THSD4: variants seen among roughly 807,000 people sequenced by gnomAD.
THSD4 encodes the protein thrombospondin type 1 domain containing 4.
THSD4 carries 69 observed loss-of-function variants against 119.0 expected under a neutral mutation model. That is an observed-to-expected ratio of 0.58 (90% CI 0.48 to 0.71). The LOEUF (loss-of-function observed/expected upper bound fraction) is 0.71, where lower values mean the gene tolerates loss of function less well. THSD4 is among the 30% of genes least tolerant of loss of function. The pLI is 0.00. For synonymous variants in THSD4, 524 were observed against 540.4 expected (o/e 0.97, Z 0.42); for missense variants, 1,393 against 1,391.1 (o/e 1.00, Z -0.02).
At position 71,154,763 on chromosome 15, in the gene THSD4, T is replaced by TC. The variant is rs201759288; in HGVS notation, c.30-92dup. The TC allele has an allele frequency of 2.7e-3, 3,240 of 1,215,620 alleles. 45 individuals carry two copies. The African/African-American group carries it at 0.033, about 12-fold the overall frequency. 75.3% of individuals were successfully genotyped at this position (1,215,620 alleles called of 1,614,324 possible). A position where few individuals can be genotyped will look rare whatever the true frequency, so the allele number is the denominator to read the frequency against. ...CATCCCAGGGCCTGGGTTGGGCTGTTCCCCCCCCATCCACTGATGAGATGG... is the reference window on the plus strand; with the variant it reads ...CATCCCAGGGCCTGGGTTGGGCTGTTCCCCCCCCCATCCACTGATGAGATGG... On this transcript the variant is annotated intron_variant, in intron 2 of 17. Coordinates refer to ENST00000261862, the MANE Select transcript of THSD4 (RefSeq NM_024817.3).
intron 7 of THSD4, among the ~76,000 whole-genome samples, chr15:71,519,864 G>T (rs62015918): frequency 0.26 from 39,163 of 152,108 alleles, 6,167 homozygotes; most frequent in Middle Eastern, 0.42. Flanking sequence ...CAGGCCCTGG[G>T]TGTGAGGAGT....
rs1270409271 is a variant in THSD4, at chr15:71,782,215, C to A, written c.*4841C>A. ...AAGTAACTCCCTGCACCCTGAACCA[C>A]CCCCCATTCCTGTTCATTTCAGCAG... On this transcript the variant is annotated 3_prime_UTR_variant, in exon 18 of 18. Transcript: ENST00000261862. The A allele has an allele frequency of 2.0e-5, 3 of 151,868 alleles. No homozygotes were observed. Among genetic ancestry groups the A allele is most frequent in the Non-Finnish European group, 2.9e-5 (2 of 67,932 alleles). The allele number at this position is 151,868 out of a possible 1,614,324, so 9.4% of individuals were successfully genotyped here.
intron 7 of THSD4, among the ~76,000 whole-genome samples, chr15:71,641,161 G>A (rs1414349414): frequency 3.3e-5 from 5 of 152,084 alleles, no homozygotes; most frequent in Non-Finnish European, 5.9e-5. Context: ...CAGGCATGGT[G>A]CTAAGCCCTT....
chr15:71,225,579 G>A (rs539182399), intron 4 of THSD4, among the ~76,000 whole-genome samples: 2 of 124,444 alleles, frequency 1.6e-5, no homozygotes, highest in African/African-American at 6.3e-5. Flanking sequence ...ACGGAGTTTC[G>A]CTCTGTTGCC....
At chr15:71,330,740 G>A (rs1231833793) in intron 6 of THSD4, among the ~76,000 whole-genome samples, 1 of 152,094 alleles carries the variant, frequency 6.6e-6, no homozygotes, top group Non-Finnish European at 1.5e-5. Flanking sequence ...TCCTTCTGAT[G>A]TACAATACTG....
chr15:71,547,546 T>A, intron 7 of THSD4: 1 of 1,530,302 alleles, frequency 6.5e-7, no homozygotes, highest in Non-Finnish European at 8.8e-7. Flanking sequence ...TCCTCTTCTA[T>A]CTACCAAGAG....
chr15:71,220,873 G>T (rs907521763), intron 4 of THSD4, among the ~76,000 whole-genome samples: 1 of 152,120 alleles, frequency 6.6e-6, no homozygotes. Context: ...GGCTTGCTCA[G>T]AAAAATCCTC....
In THSD4 at chr15:71,242,656, A is replaced by G; in HGVS notation, c.472A>G (p.Thr158Ala). ...LEVTGDRRSR[T>A]RGTIGPGKYG... The stretch of plus-strand genomic sequence containing the variant: ...TTGTCTATCTCTCTTTAGGAGCAGG[A>G]CCCGTGGTACCATTGGCCCTGGCAA... The change falls in exon 5 of 18, where the codon ACC (threonine) becomes GCC (alanine). Residue 158 changes from threonine (T) to alanine (A), a missense_variant. Coordinates refer to ENST00000261862, the MANE Select transcript of THSD4 (RefSeq NM_024817.3). The G allele has an allele frequency of 6.2e-7, 1 of 1,613,570 alleles. No homozygotes were observed. The highest frequency in any genetic ancestry group is 8.5e-7 in the Non-Finnish European group (1 of 1,179,560).
At chr15:71,257,932 G>C (rs2044339436) in intron 6 of THSD4, among the ~76,000 whole-genome samples, 1 of 151,968 alleles carries the variant, frequency 6.6e-6, no homozygotes. Context: ...TGGGGAACAG[G>C]GTGAAGGGTG....
At chr15:71,709,329 A>G (rs1039571464) in intron 8 of THSD4, among the ~76,000 whole-genome samples, 1 of 152,184 alleles carries the variant, frequency 6.6e-6, no homozygotes, top group Non-Finnish European at 1.5e-5. Context: ...AGATGGGGGA[A>G]AAAAGGGTTT....
chr15:71,725,607 G>A (rs367723082), intron 8 of THSD4, among the ~76,000 whole-genome samples: 111 of 152,246 alleles, frequency 7.3e-4, no homozygotes, highest in African/African-American at 2.5e-3. Flanking sequence ...GTTTCAAATA[G>A]GATGGAATAG....
intron 8 of THSD4, among the ~76,000 whole-genome samples, chr15:71,690,437 C>A (rs1164410445): frequency 6.6e-6 from 1 of 152,196 alleles, no homozygotes; most frequent in Non-Finnish European, 1.5e-5. Flanking sequence ...AGTCAGTATA[C>A]ATGCCTGACT....
At chr15:71,759,022 C>A (rs1465085619) in intron 15 of THSD4, among the ~76,000 whole-genome samples, 4 of 152,022 alleles carry the variant, frequency 2.6e-5, no homozygotes, top group Non-Finnish European at 5.9e-5. Context: ...ATGTTCATGA[C>A]AGCAGGATGG....
intron 6 of THSD4, among the ~76,000 whole-genome samples, chr15:71,295,846 G>C (rs929142926): frequency 6.6e-6 from 1 of 152,182 alleles, no homozygotes; most frequent in Non-Finnish European, 1.5e-5. Flanking sequence ...CAACAAGTAA[G>C]CTATGTACTT....
At chr15:71,264,903 T>A (rs995855888) in intron 6 of THSD4, among the ~76,000 whole-genome samples, 1 of 152,102 alleles carries the variant, frequency 6.6e-6, no homozygotes, top group Non-Finnish European at 1.5e-5. Flanking sequence ...ATGGACTAAA[T>A]GTTTATGTCT....
chr15:71,438,699 A>G (rs62017917), intron 7 of THSD4, among the ~76,000 whole-genome samples: 1,588 of 150,558 alleles, frequency 0.011, 15 homozygotes, highest in Non-Finnish European at 0.017. Context: ...ATTCAATTCT[A>G]TGAATCTCTG....
chr15:71,515,106 A>G (rs1031665706), intron 7 of THSD4, among the ~76,000 whole-genome samples: 1 of 152,208 alleles, frequency 6.6e-6, no homozygotes, highest in Non-Finnish European at 1.5e-5. Flanking sequence ...CATATTGTCA[A>G]TTATTGTTTT....
intron 7 of THSD4, among the ~76,000 whole-genome samples, chr15:71,621,112 C>T (rs2050411544): frequency 6.6e-6 from 1 of 152,128 alleles, no homozygotes; most frequent in Non-Finnish European, 1.5e-5. Flanking sequence ...TTCTAAAATG[C>T]ACAATTGTTT....
chr15:71,700,446 AAAC>A (rs894538589), intron 8 of THSD4, among the ~76,000 whole-genome samples: 3 of 152,168 alleles, frequency 2.0e-5, no homozygotes, highest in African/African-American at 7.2e-5. Flanking sequence ...ATAAATGACA[AAAC>A]AACATATTTC....
Sources: gnomAD v4.1 joint callset for allele counts (sites outside exome capture counted in the v4.1 genomes callset) on GRCh38, gnomAD v4.1.1 for gene constraint, MANE v1.5 for transcripts, NCBI Gene and HGNC (gene_info 2026-07-23, HGNC 2026-07-21) for gene names.